TLK1: variants seen among roughly 807,000 people sequenced by gnomAD.
The protein encoded by TLK1 is tousled like kinase 1.
A neutral mutation model predicts 105.3 loss-of-function variants in TLK1; 24 were observed. The ratio of observed to expected loss-of-function variants is 0.23; its 90% CI spans 0.17 to 0.32. The LOEUF (loss-of-function observed/expected upper bound fraction) is 0.32, where lower values mean the gene tolerates loss of function less well. TLK1 is among the 10% of genes least tolerant of loss of function. The pLI is 1.00. For synonymous variants in TLK1, 321 were observed against 310.4 expected, an observed-to-expected ratio of 1.03 and a Z score of -0.36; for missense variants, 558 against 910.5, an observed-to-expected ratio of 0.61 and a Z score of 4.98.
At chr2:171,090,315 T>A (rs1308888022) in intron 2 of TLK1, among the ~76,000 whole-genome samples, 2 of 152,264 alleles carry the variant, frequency 1.3e-5, no homozygotes, top group Non-Finnish European at 2.9e-5. Flanking sequence ...TATAACTGGT[T>A]TTAATATATG....
In TLK1 at chr2:171,160,203, C is replaced by CGGGGCTGGG. The variant is rs1692412034; in HGVS notation, c.139+86_139+87insCCCAGCCCC. The CGGGGCTGGG allele has an allele frequency of 6.8e-6, 8 of 1,184,212 alleles. No individual in the cohort carries two copies. In the African/African-American group the frequency reaches 2.0e-4, roughly 29 times the overall value. The allele number at this position is 1,184,212 out of a possible 1,614,324, so 73.4% of individuals were successfully genotyped here. ...ACCCCAGGGTCTGGCGGAGAAGCCC[C>CGGGGCTGGG]GGGGCGGGGGGGGCGGGGGGGGGGC... is the stretch of plus-strand genomic sequence containing the variant. On this transcript the variant is annotated intron_variant, in intron 1 of 20. Transcript: ENST00000431350. This position sits in a 1 kb window ranked among gnomAD's most constrained non-coding sequence, Gnocchi z 4.4.
In TLK1 at chr2:170,993,625, T is replaced by A. The variant is rs1213006547; in HGVS notation, c.*155A>T. On this transcript the variant is annotated 3_prime_UTR_variant, in exon 21 of 21. Transcript: ENST00000431350. ...ATCCTCTCTCATACAAATGACACTA[T>A]GAGGAACTTCAGTTCACAAACAGTT... 1 of 575,252 alleles carries A rather than the reference T, an allele frequency of 1.7e-6. No homozygotes were observed. Among genetic ancestry groups the A allele is most frequent in the South Asian group, 4.0e-5 (1 of 25,164 alleles). 35.6% of individuals were successfully genotyped at this position (575,252 alleles called of 1,614,324 possible).
chr2:171,206,041 TA>T (rs1425866361), intron 1 of TLK1, among the ~76,000 whole-genome samples: 1 of 152,218 alleles, frequency 6.6e-6, no homozygotes, highest in Non-Finnish European at 1.5e-5. Flanking sequence ...AACTATGTTA[TA>T]TTTTGTTACT....
chr2:171,051,231 T>G (rs1687222061), intron 8 of TLK1, among the ~76,000 whole-genome samples: 1 of 152,168 alleles, frequency 6.6e-6, no homozygotes, highest in Admixed American at 6.5e-5. Context: ...AGAGGATATC[T>G]GTTTAACCAT....
At chr2:171,064,955 T>C (rs1261574747) in intron 3 of TLK1, among the ~76,000 whole-genome samples, 2 of 152,198 alleles carry the variant, frequency 1.3e-5, no homozygotes, top group East Asian at 3.8e-4. Flanking sequence ...CCTCCAATTT[T>C]ACTTGGAACT....
intron 11 of TLK1, among the ~76,000 whole-genome samples, chr2:171,033,893 A>T (rs558573538): frequency 0.016 from 2,374 of 149,664 alleles, 61 homozygotes; most frequent in African/African-American, 0.054. Flanking sequence ...CAGATTTTTT[A>T]AAAAAAAAAA....
chr2:171,023,667 A>G (rs1685640225), intron 12 of TLK1, among the ~76,000 whole-genome samples: 3 of 152,158 alleles, frequency 2.0e-5, no homozygotes, highest in African/African-American at 7.2e-5. Flanking sequence ...AACTTTCAAA[A>G]TTCTCATTTA....
chr2:170,991,002 G>GTT lies in TLK1; in HGVS notation c.*2776_*2777dup, dbSNP rs201524632. Reference sequence around the variant, plus strand: ...GTTTTAGAAGGAGATGGTAGTGAGTGTTTAAAAAAAAAAAAAAGATTGAGT... The same window carrying GTT: ...GTTTTAGAAGGAGATGGTAGTGAGTGTTTTTAAAAAAAAAAAAAAGATTGAGT... On this transcript the variant is annotated 3_prime_UTR_variant, in exon 21 of 21. Coordinates refer to ENST00000431350, the MANE Select transcript of TLK1 (RefSeq NM_012290.5). 1 of 121,018 alleles carries GTT rather than the reference G, an allele frequency of 8.3e-6. No homozygotes were observed. Among genetic ancestry groups the GTT allele is most frequent in the South Asian group, 2.3e-4 (1 of 4,374 alleles). The allele number at this position is 121,018 out of a possible 1,614,324, so 7.5% of individuals were successfully genotyped here.
chr2:171,086,407 C>T (rs1688974384), intron 2 of TLK1, among the ~76,000 whole-genome samples: 1 of 152,144 alleles, frequency 6.6e-6, no homozygotes, highest in African/African-American at 2.4e-5. Context: ...AGGCAGACTT[C>T]TTGAGGTCAC....
intron 14 of TLK1, among the ~76,000 whole-genome samples, chr2:171,010,097 G>C (rs905606142): frequency 1.3e-5 from 2 of 152,160 alleles, no homozygotes; most frequent in Admixed American, 6.5e-5. Context: ...ATGCCCAAAA[G>C]AAGACAATCA....
At chr2:171,187,850 A>G (rs1693064303) in intron 1 of TLK1, among the ~76,000 whole-genome samples, 1 of 152,224 alleles carries the variant, frequency 6.6e-6, no homozygotes, top group Non-Finnish European at 1.5e-5. Context: ...TGAATGAATG[A>G]ATGGATGAAT....
chr2:171,029,901 A>G (rs1252828119), intron 11 of TLK1, among the ~76,000 whole-genome samples: 1 of 152,120 alleles, frequency 6.6e-6, no homozygotes, highest in Non-Finnish European at 1.5e-5. Flanking sequence ...ACACGCCACC[A>G]TGCCTAGCTA....
chr2:171,207,993 C>T (rs1294223949), intron 1 of TLK1, among the ~76,000 whole-genome samples: 1 of 152,214 alleles, frequency 6.6e-6, no homozygotes, highest in Non-Finnish European at 1.5e-5. Flanking sequence ...TCCCAAAGTG[C>T]TGGGATTACA....
intron 12 of TLK1, among the ~76,000 whole-genome samples, chr2:171,020,810 T>C (rs1685462434): frequency 6.6e-6 from 1 of 152,088 alleles, no homozygotes; most frequent in African/African-American, 2.4e-5. Flanking sequence ...TATTTTTGCT[T>C]GAGAATAATT....
chr2:171,118,610 T>C (rs187070667), intron 1 of TLK1, among the ~76,000 whole-genome samples: 31 of 152,342 alleles, frequency 2.0e-4, no homozygotes, highest in African/African-American at 6.0e-4. Flanking sequence ...ATTGTTATTA[T>C]GCAGACTAAA....
intron 1 of TLK1, among the ~76,000 whole-genome samples, chr2:171,196,871 T>C (rs910209324): frequency 3.9e-5 from 6 of 152,232 alleles, no homozygotes; most frequent in African/African-American, 1.4e-4. Context: ...TATATGAATA[T>C]AGCTCTAAAA....
chr2:171,076,246 G>A (rs1210050046), intron 3 of TLK1, among the ~76,000 whole-genome samples: 4 of 151,622 alleles, frequency 2.6e-5, no homozygotes, highest in African/African-American at 9.7e-5. Context: ...AAGAGGTAGG[G>A]GCCTCATGAA....
intron 2 of TLK1, among the ~76,000 whole-genome samples, chr2:171,092,794 T>C (rs989624435): frequency 3.3e-5 from 5 of 152,104 alleles, no homozygotes; most frequent in Admixed American, 1.3e-4. Flanking sequence ...AATGGAACCT[T>C]ACACATGAGT....
chr2:171,210,722 A>G (rs1693598472), intron 1 of TLK1, among the ~76,000 whole-genome samples: 1 of 152,156 alleles, frequency 6.6e-6, no homozygotes, highest in South Asian at 2.1e-4. Flanking sequence ...TATCTGAACC[A>G]CCTAGAGACT....
Sources: gnomAD v4.1 joint callset for allele counts (sites outside exome capture counted in the v4.1 genomes callset) on GRCh38, gnomAD v4.1.1 for gene constraint, Gnocchi (gnomAD v3.1) non-coding constraint, MANE v1.5 for transcripts, NCBI Gene and HGNC (gene_info 2026-07-23, HGNC 2026-07-21) for gene names.